ZNF521: variants seen among roughly 807,000 people sequenced by gnomAD.
ZNF521 encodes the protein zinc finger protein 521.
Under a neutral mutation model 105.5 loss-of-function variants are expected in ZNF521, and 14 were observed. The observed-to-expected ratio is 0.13, with a 90% confidence interval of 0.09 to 0.21. The LOEUF is 0.21. Ranked by LOEUF, ZNF521 falls within the 10% of genes least tolerant of loss-of-function variation. The pLI, the probability that ZNF521 is intolerant of heterozygous loss-of-function variation, is 1.00. For synonymous variants in ZNF521, 635 were observed against 606.0 expected (o/e 1.05, Z -0.70); for missense variants, 1,233 against 1,629.7 (o/e 0.76, Z 4.19).
rs538720714 is a variant in ZNF521 at position 25,283,686 on chromosome 18, C to A, written c.220+38322G>T. 3.9e-5 allele frequency among the ~76,000 whole-genome samples: 6 copies of A among 152,272 alleles called. No individual in the cohort carries two copies. In the East Asian group the frequency reaches 1.2e-3, roughly 29 times the overall value. ...TAGAAAATAATGTGCTGCTGGAAAT[C>A]GTAAATTTGGGTAAATCTGAAAACA... On this transcript the variant is annotated intron_variant, in intron 3 of 7. Transcript: ENST00000361524.
chr18:25,185,740 T>A (rs917492851), intron 5 of ZNF521, among the ~76,000 whole-genome samples: 3 of 151,912 alleles, frequency 2.0e-5, no homozygotes, highest in South Asian at 2.1e-4. Flanking sequence ...GTAAAAAAAA[T>A]AAATAAATAA....
intron 5 of ZNF521, among the ~76,000 whole-genome samples, chr18:25,178,131 T>G (rs1053033703): frequency 1.3e-5 from 2 of 152,226 alleles, no homozygotes; most frequent in Non-Finnish European, 2.9e-5. Context: ...GCATATAGTA[T>G]GTCAATTCCT....
At chr18:25,222,682 G>A (rs779318023) in intron 4 of ZNF521, among the ~76,000 whole-genome samples, 4 of 152,130 alleles carry the variant, frequency 2.6e-5, no homozygotes, top group Non-Finnish European at 2.9e-5. Context: ...CAAAGGAGAA[G>A]AGTAATTTTC....
At chr18:25,107,535 T>C (rs1017136388) in intron 5 of ZNF521, among the ~76,000 whole-genome samples, 1 of 152,216 alleles carries the variant, frequency 6.6e-6, no homozygotes, top group Non-Finnish European at 1.5e-5. Flanking sequence ...AAATATTTTC[T>C]TTGAGTTTTT....
chr18:25,179,811 A>G (rs1274208773), intron 5 of ZNF521, among the ~76,000 whole-genome samples: 5 of 152,214 alleles, frequency 3.3e-5, no homozygotes, highest in Admixed American at 2.0e-4. Flanking sequence ...GTGTGGTGGA[A>G]GAGACTGACG....
chr18:25,075,129 T>C (rs1478946334), intron 7 of ZNF521, among the ~76,000 whole-genome samples: 1 of 152,140 alleles, frequency 6.6e-6, no homozygotes, highest in Non-Finnish European at 1.5e-5. Flanking sequence ...AACACTGCCA[T>C]GCATAAAGGG....
intron 3 of ZNF521, among the ~76,000 whole-genome samples, chr18:25,320,232 G>T (rs1409783111): frequency 2.0e-5 from 3 of 152,116 alleles, no homozygotes; most frequent in Non-Finnish European, 4.4e-5. Flanking sequence ...GACTGCAATG[G>T]CGTGATCTCA....
chr18:25,190,277 C>T (rs1280601069), intron 5 of ZNF521, among the ~76,000 whole-genome samples: 2 of 152,072 alleles, frequency 1.3e-5, no homozygotes, highest in Admixed American at 6.6e-5. Flanking sequence ...GTTCAGTCAT[C>T]TTCTCATTTA....
chr18:25,156,325 T>A (rs2035144049), intron 5 of ZNF521, among the ~76,000 whole-genome samples: 1 of 152,160 alleles, frequency 6.6e-6, no homozygotes, highest in African/African-American at 2.4e-5. Context: ...CAGCATCCAT[T>A]TCTATGAACT....
intron 3 of ZNF521, among the ~76,000 whole-genome samples, chr18:25,291,264 A>C (rs1210848391): frequency 6.6e-6 from 1 of 152,204 alleles, no homozygotes; most frequent in Non-Finnish European, 1.5e-5. Flanking sequence ...AAACATACAA[A>C]AATGTAAACA....
chr18:25,113,761 G>GACGGACACACACACACACACACACACAC (rs35914509), intron 5 of ZNF521, among the ~76,000 whole-genome samples: 6,343 of 101,198 alleles, frequency 0.063, 495 homozygotes, highest in Middle Eastern at 0.087. Flanking sequence ...AGGACGGACG[G>GACGGACACACACACACACACACACACAC]ACACACACAC....
Position 25,225,318 on chromosome 18 carries a change from T to C in ZNF521, c.2600A>G (p.Glu867Gly). 1 of 1,614,202 alleles carries C rather than the reference T, an allele frequency of 6.2e-7. No individual in the cohort carries two copies. The highest frequency in any genetic ancestry group is 8.5e-7 in the Non-Finnish European group (1 of 1,180,034). ...GCTCCCATCGTGACTGTTGTGGGAC[T>C]CCTGGCTGTTGGTCAGCAAAGTCTG... ...ELQTLLTNSQ[E>G]SHNSHDGSEE... Residue 867 changes from glutamate to glycine, a missense_variant, in exon 4 of 8, where the codon GAG becomes GGG. Physicochemically the swap from Glu to Gly is moderately conservative, Grantham distance 98 (BLOSUM62 -2). Transcript: ENST00000361524. This position sits in a 1 kb window ranked among gnomAD's most constrained non-coding sequence, Gnocchi z 5.6.
At chr18:25,192,401 A>G (rs1451651255) in intron 5 of ZNF521, among the ~76,000 whole-genome samples, 2 of 152,080 alleles carry the variant, frequency 1.3e-5, no homozygotes, top group Non-Finnish European at 2.9e-5. Context: ...ATCCAGAAAG[A>G]TGTGTGGCGG....
chr18:25,256,800 G>A (rs947987376), intron 3 of ZNF521, among the ~76,000 whole-genome samples: 13 of 149,246 alleles, frequency 8.7e-5, no homozygotes, highest in African/African-American at 3.3e-4. Flanking sequence ...GTGTGCAGCT[G>A]AAGGAAAAAA....
rs78794089 is a variant in ZNF521, at chr18:25,337,604, C to T, written c.40+13303G>A. 6.8e-3 allele frequency among the ~76,000 whole-genome samples: 1,035 copies of T among 152,226 alleles called. 13 individuals are homozygous for T. Among genetic ancestry groups the T allele is most frequent in the African/African-American group, 0.023 (970 of 41,532 alleles). ...AATACCAGTTTGTTTTTTCACAAGT[C>T]GCATTAGTAAGGATGAAGTATTTAA... On this transcript the variant is annotated intron_variant, in intron 2 of 7. Coordinates refer to ENST00000361524, the MANE Select transcript of ZNF521 (RefSeq NM_015461.3).
At chr18:25,159,407 G>A (rs563369515) in intron 5 of ZNF521, among the ~76,000 whole-genome samples, 3 of 152,290 alleles carry the variant, frequency 2.0e-5, no homozygotes, top group African/African-American at 7.2e-5. Flanking sequence ...AAGACATACA[G>A]ATGTTTAAGT....
At chr18:25,221,300 T>C (rs1340997163) in intron 4 of ZNF521, among the ~76,000 whole-genome samples, 1 of 152,190 alleles carries the variant, frequency 6.6e-6, no homozygotes, top group Non-Finnish European at 1.5e-5. Context: ...TTGTCTTTCA[T>C]CCATTTTTTG....
intron 5 of ZNF521, chr18:25,136,672 CTG>C (rs1315522025): frequency 6.6e-6 from 1 of 152,206 alleles, no homozygotes; most frequent in East Asian, 1.9e-4. Flanking sequence ...CTAGGCTACG[CTG>C]TCTCTCCTGT....
At chr18:25,067,377 G>C (rs970995976) in intron 7 of ZNF521, among the ~76,000 whole-genome samples, 2 of 152,122 alleles carry the variant, frequency 1.3e-5, no homozygotes, top group Non-Finnish European at 2.9e-5. Flanking sequence ...CTAAAAAACA[G>C]ACGAGGGCCT....
Sources: allele counts gnomAD v4.1 joint callset (sites outside exome capture counted in the v4.1 genomes callset), GRCh38; gene constraint gnomAD v4.1.1; non-coding constraint Gnocchi (gnomAD v3.1); transcripts MANE v1.5; gene names NCBI Gene and HGNC (gene_info 2026-07-23, HGNC 2026-07-21).